The following SPATA13 variants were observed in gnomAD, a reference collection of about 807,000 sequenced individuals.
The protein encoded by SPATA13 is spermatogenesis associated 13.
A neutral mutation model predicts 104.0 loss-of-function variants in SPATA13; 50 were observed. That is an observed-to-expected ratio of 0.48 (90% CI 0.38 to 0.61). The LOEUF (loss-of-function observed/expected upper bound fraction) is 0.61, where lower values mean the gene tolerates loss of function less well. Among genes scored for constraint, SPATA13 ranks in the 20% least tolerant of loss-of-function variants. SPATA13 has a pLI of 0.00. For synonymous variants in SPATA13, 606 were observed against 667.5 expected (o/e 0.91, Z 1.42); for missense variants, 1,524 against 1,690.6 (o/e 0.90, Z 1.73).
chr13:24,086,937 G>C (rs1173834671), intron 3 of SPATA13, among the ~76,000 whole-genome samples: 1 of 152,202 alleles, frequency 6.6e-6, no homozygotes, highest in Non-Finnish European at 1.5e-5. Flanking sequence ...TTGGCAAACA[G>C]ACCCGGTCTC....
rs537179492 is a variant in SPATA13 at position 24,303,199 on chromosome 13, A to G, written c.*426A>G. ...TCACTTCTGCATTTGATTTTCAAGG[A>G]TGCCGTCAAGACGGGGTTGACACAA... is the stretch of plus-strand genomic sequence containing the variant. On this transcript the variant is annotated 3_prime_UTR_variant, in exon 13 of 13. Transcript: ENST00000382108. 263 of 401,624 alleles carry G rather than the reference A, an allele frequency of 6.5e-4. 1 individual carries two copies. The highest frequency in any genetic ancestry group is 5.1e-3 in the African/African-American group (248 of 48,466). 24.9% of individuals were successfully genotyped at this position (401,624 alleles called of 1,614,324 possible). A position where few individuals can be genotyped will look rare whatever the true frequency, so the allele number is the denominator to read the frequency against.
Position 24,224,295 on chromosome 13 carries a change from G to C in SPATA13, c.1366G>C (p.Asp456His). The C allele has an allele frequency of 6.4e-7, 1 of 1,551,702 alleles. No homozygotes were observed. Among genetic ancestry groups the C allele is most frequent in the Non-Finnish European group, 8.7e-7 (1 of 1,147,002 alleles). The change falls in exon 2 of 13, where the codon GAC (aspartate) becomes CAC (histidine). Residue 456 changes from aspartate (D) to histidine (H), a missense_variant. Around this residue, in one of 2 missense-constraint regions of SPATA13, gnomAD observed 1,089 missense variants for 1,135.9 expected, o/e 0.96. Transcript: ENST00000382108. ...AAACGCTGGCAGCCAGTTGACATTT[G>C]ACCCTGAGCAGCCTCCCACCCCTCT... is the stretch of plus-strand genomic sequence containing the variant. ...DPNAGSQLTF[D>H]PEQPPTPLRP...
chr13:23,997,764 A>G (rs192302648), intron 2 of SPATA13, among the ~76,000 whole-genome samples: 37 of 152,182 alleles, frequency 2.4e-4, no homozygotes, highest in Admixed American at 2.3e-3. Context: ...GCCAGCCTCT[A>G]TAAACAACCA....
chr13:24,057,068 TTCTTTTTTTA>T (rs1283275673), intron 3 of SPATA13, among the ~76,000 whole-genome samples: 2 of 151,248 alleles, frequency 1.3e-5, no homozygotes, highest in African/African-American at 4.9e-5. Context: ...TTTTTTTTTT[TTCTTTTTTTA>T]AAAAATTTTA....
At chr13:24,166,600 G>C (rs1178517820) in intron 1 of SPATA13, among the ~76,000 whole-genome samples, 6 of 152,168 alleles carry the variant, frequency 3.9e-5, no homozygotes, top group Non-Finnish European at 8.8e-5. Flanking sequence ...AGCAACACTT[G>C]GGGGTTTGTT....
rs937701242 is a variant in SPATA13, at chr13:24,223,128, C to T, written c.199C>T (p.Leu67Phe). Residue 67 changes from leucine to phenylalanine, a missense_variant, in exon 2 of 13, where the codon CTC (leucine) becomes TTC (phenylalanine). Leu to Phe is a conservative substitution (Grantham distance 22). This residue lies in a region of SPATA13 where 1,089 missense variants were observed against 1,135.9 expected (regional missense o/e 0.96). Transcript: ENST00000382108. ...CGACACGGACACCCAGGAAGCCAAA[C>T]TCAGCCCAGCCAAGCTTGTGCGCCT... is the stretch of plus-strand genomic sequence containing the variant. ...GGDTDTQEAK[L>F]SPAKLVRLFS... The T allele has an allele frequency of 2.3e-5, 35 of 1,551,610 alleles. No homozygotes were observed. The highest frequency in any genetic ancestry group is 3.1e-5 in the Non-Finnish European group (35 of 1,147,018).
At chr13:24,056,521 A>G (rs1392774855) in intron 3 of SPATA13, among the ~76,000 whole-genome samples, 1 of 152,154 alleles carries the variant, frequency 6.6e-6, no homozygotes, top group Non-Finnish European at 1.5e-5. Context: ...ACTGTTAATT[A>G]TATGTTTGAC....
At chr13:24,243,757 T>G (rs1872970242) in intron 2 of SPATA13, among the ~76,000 whole-genome samples, 1 of 152,174 alleles carries the variant, frequency 6.6e-6, no homozygotes, top group Non-Finnish European at 1.5e-5. Context: ...GTGTATTCCT[T>G]CTCACCTTGA....
In SPATA13 at chr13:24,193,342, T is replaced by C. The variant is rs111253824; in HGVS notation, c.-111-29477T>C. ...GGGAGAGAGATGACAAAGGCCAGTG[T>C]TGGAGGAACTGGGAGAACGGAGGCA... On this transcript the variant is annotated intron_variant, in intron 1 of 12. Coordinates refer to ENST00000382108, the MANE Select transcript of SPATA13 (RefSeq NM_001166271.3). 1.0e-3 allele frequency among the ~76,000 whole-genome samples: 159 copies of C among 152,028 alleles called. 2 individuals are homozygous for C. The highest frequency in any genetic ancestry group is 0.01 in the Middle Eastern group (3 of 294).
chr13:24,271,845 G>A (rs553244732), intron 4 of SPATA13, among the ~76,000 whole-genome samples: 2 of 152,278 alleles, frequency 1.3e-5, no homozygotes, highest in Admixed American at 6.5e-5. Context: ...TTTCTTCCTT[G>A]TTTTGATTGG....
chr13:24,127,231 G>A (rs370053496), intron 3 of SPATA13, among the ~76,000 whole-genome samples: 3 of 152,302 alleles, frequency 2.0e-5, no homozygotes, highest in African/African-American at 7.2e-5. Context: ...ACCCAGGCTG[G>A]TAGCAGTGAG....
chr13:24,301,935 C>T (rs151296528), intron 12 of SPATA13, among the ~76,000 whole-genome samples: 4 of 152,096 alleles, frequency 2.6e-5, no homozygotes, highest in Non-Finnish European at 5.9e-5. Flanking sequence ...CTGTAATCCC[C>T]GTTTTAGGGA....
chr13:24,215,700 A>G (rs1194245141), intron 1 of SPATA13, among the ~76,000 whole-genome samples: 7 of 152,168 alleles, frequency 4.6e-5, no homozygotes, highest in Admixed American at 4.6e-4. Context: ...CTTTAGGGGT[A>G]TTCTGTGCTG....
Position 24,289,090 on chromosome 13 carries a change from T to C in SPATA13, c.2759T>C (p.Phe920Ser). ...GGAAACATTGAAGATATTTACAAAT[T>C]CCAAAGAAAGTTTCTGAAAGACCTT... ...IFGNIEDIYK[F>S]QRKFLKDLEK... Residue 920 changes from phenylalanine to serine, a missense_variant, in exon 8 of 13, where the codon TTC (phenylalanine) becomes TCC (serine). Around this residue, in one of 2 missense-constraint regions of SPATA13, gnomAD observed 435 missense variants for 554.8 expected, o/e 0.78. Coordinates refer to ENST00000382108, the MANE Select transcript of SPATA13 (RefSeq NM_001166271.3). 8 of 1,613,950 alleles carry C rather than the reference T, an allele frequency of 5.0e-6. No homozygotes were observed. Among genetic ancestry groups the C allele is most frequent in the Non-Finnish European group, 6.8e-6 (8 of 1,179,954 alleles).
intron 1 of SPATA13, among the ~76,000 whole-genome samples, chr13:24,201,514 C>G (rs542459489): frequency 6.6e-6 from 1 of 152,088 alleles, no homozygotes; most frequent in Admixed American, 6.5e-5. Flanking sequence ...AATCTTGACT[C>G]ACTGCAACCT....
chr13:24,230,295 C>A (rs572237809), intron 2 of SPATA13, among the ~76,000 whole-genome samples: 6 of 152,254 alleles, frequency 3.9e-5, no homozygotes, highest in African/African-American at 1.4e-4. Flanking sequence ...GGGTTCAGAG[C>A]CTAGCTGGTG....
At position 24,238,467 on chromosome 13, in the gene SPATA13, G is replaced by A. The variant is rs1872683062; in HGVS notation, c.1654-11010G>A. On this transcript the variant is annotated intron_variant, in intron 2 of 12. Coordinates refer to ENST00000382108, the MANE Select transcript of SPATA13 (RefSeq NM_001166271.3). ...CCACTGCCCCCGGCCTCTCCTTGATGTTTTAGGTGGGAATGTTTTGGCTGG... is the reference window on the plus strand; with the variant it reads ...CCACTGCCCCCGGCCTCTCCTTGATATTTTAGGTGGGAATGTTTTGGCTGG... Among the ~76,000 whole-genome samples the A allele has an allele frequency of 1.3e-5, 2 of 152,088 alleles. 1 individual carries two copies. Among genetic ancestry groups the A allele is most frequent in the Non-Finnish European group, 2.9e-5 (2 of 68,004 alleles).
At chr13:24,109,830 GAAT>G (rs1435941511) in intron 3 of SPATA13, among the ~76,000 whole-genome samples, 1 of 151,840 alleles carries the variant, frequency 6.6e-6, no homozygotes, top group Non-Finnish European at 1.5e-5. Context: ...ATAGTTGCAT[GAAT>G]AATATCACCT....
chr13:23,983,454 C>G (rs1158399495), intron 1 of SPATA13, among the ~76,000 whole-genome samples: 3 of 152,114 alleles, frequency 2.0e-5, no homozygotes, highest in African/African-American at 7.2e-5. Context: ...GGAGTCAGGA[C>G]TTCATCCTGT....
Sources: gnomAD v4.1 joint callset for allele counts (sites outside exome capture counted in the v4.1 genomes callset) on GRCh38, gnomAD v4.1.1 for gene constraint, gnomAD v4.1.1 regional missense constraint, MANE v1.5 for transcripts, NCBI Gene and HGNC (gene_info 2026-07-23, HGNC 2026-07-21) for gene names.